Variants in EEF1E1 observed in about 807,000 individuals in gnomAD.
EEF1E1 encodes eukaryotic translation elongation factor 1 epsilon-1.
EEF1E1 carries 19 observed loss-of-function variants against 19.9 expected under a neutral mutation model. That is an observed-to-expected ratio of 0.95 (90% CI 0.66 to 1.40). EEF1E1 has a LOEUF of 1.40. EEF1E1 is among the 40% of genes most tolerant of loss of function. The pLI is 0.00. For synonymous variants in EEF1E1, 81 were observed against 80.0 expected (o/e 1.01, Z -0.07); for missense variants, 198 against 202.2 (o/e 0.98, Z 0.13).
downstream of EEF1E1, among the ~76,000 whole-genome samples, chr6:8,079,023 A>G (rs1757663458): frequency 6.6e-6 from 1 of 152,188 alleles, no homozygotes; most frequent in Non-Finnish European, 1.5e-5. Context: ...TAGCTCTATG[A>G]TAACTATTAT....
In EEF1E1 at chr6:8,097,248, A is replaced by G; in HGVS notation, c.288+19T>C. The G allele has an allele frequency of 6.2e-7, 1 of 1,611,062 alleles. No individual in the cohort carries two copies. The highest frequency in any genetic ancestry group is 8.5e-7 in the Non-Finnish European group (1 of 1,177,242). ...ATTAACAGTTCATGCATTTCAGCCT[A>G]TAAGAGAAGTCACGATACCTTCAAC... is the stretch of plus-strand genomic sequence containing the variant. On this transcript the variant is annotated intron_variant, in intron 2 of 3. Coordinates refer to ENST00000379715, the MANE Select transcript of EEF1E1 (RefSeq NM_004280.5).
intron 1 of EEF1E1, among the ~76,000 whole-genome samples, chr6:8,098,307 A>G (rs1218351338): frequency 2.0e-5 from 3 of 151,904 alleles, no homozygotes; most frequent in Non-Finnish European, 4.4e-5. Context: ...TTTAGTAGAG[A>G]CGGGGTTTCA....
At chr6:8,077,741 T>G (rs1425506008), downstream of EEF1E1, among the ~76,000 whole-genome samples, 1 of 152,222 alleles carries the variant, frequency 6.6e-6, no homozygotes, top group African/African-American at 2.4e-5. Context: ...CTACCAGCAA[T>G]AAGGCTGTTT....
At chr6:8,101,225 C>G (rs1293444078) in intron 1 of EEF1E1, among the ~76,000 whole-genome samples, 20 of 3,112 alleles carry the variant, frequency 6.4e-3, no homozygotes, top group African/African-American at 0.029. Context: ...GACTTTGTCT[C>G]AAAAAAAAAA....
intron 3 of EEF1E1, among the ~76,000 whole-genome samples, chr6:8,087,164 C>A (rs181165712): frequency 1.3e-5 from 2 of 152,284 alleles, no homozygotes; most frequent in East Asian, 3.9e-4. Flanking sequence ...ACAGCAGGCT[C>A]TGGGGCACAT....
Position 8,079,713 on chromosome 6 carries a change from C to G in EEF1E1, c.*177G>C. 2 of 1,269,644 alleles carry G rather than the reference C, an allele frequency of 1.6e-6. No homozygotes were observed. The highest frequency in any genetic ancestry group is 6.2e-5 in the South Asian group (2 of 32,480). 78.6% of individuals were successfully genotyped at this position (1,269,644 alleles called of 1,614,324 possible). On this transcript the variant is annotated 3_prime_UTR_variant, in exon 4 of 4. Transcript: ENST00000379715. The stretch of plus-strand genomic sequence containing the variant: ...CAATTGAATTTTGACATAAAAATTG[C>G]AAAACTTCAGCTAAAGAACAAATAA...
At chr6:8,100,061 G>A (rs962118638) in intron 1 of EEF1E1, among the ~76,000 whole-genome samples, 4 of 152,062 alleles carry the variant, frequency 2.6e-5, no homozygotes, top group Non-Finnish European at 4.4e-5. Context: ...TATCACATAT[G>A]GCCAACCCTT....
chr6:8,101,669 T>G lies in EEF1E1; in HGVS notation c.87+766A>C. Reference sequence around the variant, plus strand: ...AAAAAACATATATCCAAAGTAGTCTTCCTACAACCAATTTCCTTCTCTAAT... The same window carrying G: ...AAAAAACATATATCCAAAGTAGTCTGCCTACAACCAATTTCCTTCTCTAAT... On this transcript the variant is annotated intron_variant, in intron 1 of 3. Transcript: ENST00000379715. The G allele has an allele frequency of 3.7e-6, 4 of 1,087,810 alleles. No homozygotes were observed. The Admixed American group carries it at 1.3e-4, about 34-fold the overall frequency. The allele number at this position is 1,087,810 out of a possible 1,614,324, so 67.4% of individuals were successfully genotyped here.
chr6:8,094,994 G>A (rs1458669329), intron 2 of EEF1E1, among the ~76,000 whole-genome samples: 4 of 152,104 alleles, frequency 2.6e-5, no homozygotes, highest in Non-Finnish European at 5.9e-5. Flanking sequence ...TATGTTACAG[G>A]TAAGGCTTGC....
At chr6:8,099,403 C>T (rs1427524084) in intron 1 of EEF1E1, among the ~76,000 whole-genome samples, 1 of 152,168 alleles carries the variant, frequency 6.6e-6, no homozygotes, top group African/African-American at 2.4e-5. Context: ...GAGCAATAGG[C>T]TATATCATAT....
At chr6:8,089,312 G>C (rs1036155525) in intron 3 of EEF1E1, among the ~76,000 whole-genome samples, 1 of 152,092 alleles carries the variant, frequency 6.6e-6, no homozygotes, top group African/African-American at 2.4e-5. Flanking sequence ...TATTAGTCAG[G>C]GTTCTCTAGA....
At chr6:8,076,619 G>A (rs1239593979), downstream of EEF1E1, among the ~76,000 whole-genome samples, 7 of 152,182 alleles carry the variant, frequency 4.6e-5, no homozygotes, top group South Asian at 2.1e-4. Flanking sequence ...CACCACGCCC[G>A]GCCTACAAAA....
chr6:8,095,255 C>A, intron 2 of EEF1E1: 1 of 253,556 alleles, frequency 3.9e-6, no homozygotes. Context: ...AATCCCAGCA[C>A]TTTGGGAGGC....
chr6:8,090,066 A>G, intron 3 of EEF1E1, 120 bp downstream of exon 3: 1 of 751,302 alleles, frequency 1.3e-6, no homozygotes, highest in South Asian at 3.0e-5. Flanking sequence ...TGTATAAAGG[A>G]ATTCCTTTCA....
chr6:8,096,930 T>C (rs1030204010), intron 2 of EEF1E1, among the ~76,000 whole-genome samples: 1 of 152,042 alleles, frequency 6.6e-6, no homozygotes, highest in African/African-American at 2.4e-5. Flanking sequence ...GAGTGGGGCA[T>C]CACATCAAAA....
intron 1 of EEF1E1, chr6:8,101,981 C>T: frequency 8.0e-7 from 1 of 1,242,946 alleles, no homozygotes; most frequent in Non-Finnish European, 1.0e-6. Flanking sequence ...GAAGCATGTT[C>T]CCCTAAATCA....
At chr6:8,090,026 C>T in intron 3 of EEF1E1, 160 bp downstream of exon 3, 1 of 439,964 alleles carries the variant, frequency 2.3e-6, no homozygotes, top group Non-Finnish European at 4.0e-6. Flanking sequence ...TACATGTGCA[C>T]AACGTGCAGG....
chr6:8,077,636 C>A (rs1384706231), downstream of EEF1E1, among the ~76,000 whole-genome samples: 2 of 152,174 alleles, frequency 1.3e-5, no homozygotes, highest in African/African-American at 2.4e-5. Flanking sequence ...CCTTTCTCAA[C>A]CTTCATAGAA....
intron 3 of EEF1E1, among the ~76,000 whole-genome samples, chr6:8,084,767 G>T (rs1054509131): frequency 2.0e-5 from 3 of 152,174 alleles, no homozygotes; most frequent in African/African-American, 4.8e-5. Flanking sequence ...GATAGAAATT[G>T]TTCTTGGAGC....
Sources: allele counts gnomAD v4.1 joint callset (sites outside exome capture counted in the v4.1 genomes callset), GRCh38; gene constraint gnomAD v4.1.1; transcripts MANE v1.5; gene names NCBI Gene and HGNC (gene_info 2026-07-23, HGNC 2026-07-21).